The following UBAC2 variants were observed in gnomAD, a reference collection of about 807,000 sequenced individuals.
The protein encoded by UBAC2 is UBA domain containing 2.
Under a neutral mutation model 44.0 loss-of-function variants are expected in UBAC2, and 26 were observed. The observed-to-expected ratio is 0.59, with a 90% CI of 0.43 to 0.82. The LOEUF (loss-of-function observed/expected upper bound fraction) is 0.82, where lower values mean the gene tolerates loss of function less well. Among genes scored for constraint, UBAC2 ranks in the 40% least tolerant of loss-of-function variants. The pLI is 0.00. For synonymous variants in UBAC2, 155 were observed against 154.3 expected (o/e 1.00, Z -0.04); for missense variants, 329 against 419.4 (o/e 0.78, Z 1.88).
intron 2 of UBAC2, among the ~76,000 whole-genome samples, chr13:99,242,482 C>T (rs1292547847): frequency 5.6e-5 from 8 of 142,764 alleles, no homozygotes; most frequent in African/African-American, 1.0e-4. Flanking sequence ...CCCTCCCCGA[C>T]GGGGCGGCTG....
At position 99,207,904 on chromosome 13, in the gene UBAC2, C is replaced by T. The variant is rs555827928; in HGVS notation, c.31+6965C>T. On this transcript the variant is annotated intron_variant, in intron 1 of 8. Coordinates refer to ENST00000403766, the MANE Select transcript of UBAC2 (RefSeq NM_001144072.2). Reference sequence around the variant, plus strand: ...TTTTGTGTTCTCATGAAGGAGCAAACCGTGTTCCTACTGACATTCTTTCTT... The same window carrying T: ...TTTTGTGTTCTCATGAAGGAGCAAATCGTGTTCCTACTGACATTCTTTCTT... 5.9e-5 allele frequency among the ~76,000 whole-genome samples: 9 copies of T among 151,998 alleles called. No individual in the cohort carries two copies. In the South Asian group the frequency reaches 1.7e-3, roughly 28 times the overall value.
At chr13:99,351,044 G>A (rs1186813814) in intron 7 of UBAC2, among the ~76,000 whole-genome samples, 1 of 152,206 alleles carries the variant, frequency 6.6e-6, no homozygotes, top group Non-Finnish European at 1.5e-5. Context: ...ATAGAAAGCA[G>A]CGTAATATAA....
chr13:99,268,901 G>A (rs1216435870), intron 4 of UBAC2, among the ~76,000 whole-genome samples: 1 of 152,166 alleles, frequency 6.6e-6, no homozygotes, highest in African/African-American at 2.4e-5. Context: ...AACAGGCATT[G>A]CTTACCCCAG....
chr13:99,335,139 A>G (rs1594138627), intron 6 of UBAC2, among the ~76,000 whole-genome samples: 1 of 152,244 alleles, frequency 6.6e-6, no homozygotes, highest in East Asian at 1.9e-4. Flanking sequence ...AATGGGAGCA[A>G]TGAACAAATC....
intron 2 of UBAC2, among the ~76,000 whole-genome samples, chr13:99,241,019 G>T (rs2043292754): frequency 6.6e-6 from 1 of 152,052 alleles, no homozygotes; most frequent in Non-Finnish European, 1.5e-5. Context: ...CAGCACCTTG[G>T]GAGGCCAACG....
intron 1 of UBAC2, chr13:99,201,423 C>A (rs371621046): frequency 2.5e-6 from 4 of 1,612,760 alleles, no homozygotes; most frequent in Non-Finnish European, 3.4e-6. Flanking sequence ...TGTGTTTCTT[C>A]TTCAGTCTCC....
intron 1 of UBAC2, among the ~76,000 whole-genome samples, chr13:99,217,589 G>A (rs2043011552): frequency 6.6e-6 from 1 of 152,128 alleles, no homozygotes; most frequent in Non-Finnish European, 1.5e-5. Context: ...CCCGGCTTGG[G>A]GCCAGCTGTT....
At chr13:99,384,627 C>T (rs928038392) in intron 8 of UBAC2, among the ~76,000 whole-genome samples, 1 of 152,258 alleles carries the variant, frequency 6.6e-6, no homozygotes, top group Admixed American at 6.5e-5. Flanking sequence ...GCAAGTGGCA[C>T]AGCTGTCAAA....
chr13:99,299,809 C>T (rs1006397811), intron 4 of UBAC2, among the ~76,000 whole-genome samples: 2 of 152,118 alleles, frequency 1.3e-5, no homozygotes, highest in Non-Finnish European at 2.9e-5. Context: ...ATTGCTACCC[C>T]TTATCTACTT....
chr13:99,258,574 A>C (rs2043608786), intron 4 of UBAC2: 1 of 150,874 alleles, frequency 6.6e-6, no homozygotes, highest in African/African-American at 2.4e-5. Context: ...TTGATGCTTG[A>C]AGTCTGCATC....
chr13:99,318,821 CAAAA>C (rs397851352), intron 6 of UBAC2, among the ~76,000 whole-genome samples: 2 of 69,894 alleles, frequency 2.9e-5, no homozygotes, highest in Non-Finnish European at 2.7e-5. Flanking sequence ...GACTCCATCT[CAAAA>C]AAAAAAAAAA....
chr13:99,308,536 T>C (rs949087712), intron 4 of UBAC2: 2 of 152,222 alleles, frequency 1.3e-5, no homozygotes, highest in Admixed American at 1.3e-4. Context: ...CTGTTTCTTA[T>C]TTAGATGCTT....
At chr13:99,354,792 G>A (rs993188802) in intron 7 of UBAC2, among the ~76,000 whole-genome samples, 4 of 152,188 alleles carry the variant, frequency 2.6e-5, no homozygotes, top group African/African-American at 4.8e-5. Flanking sequence ...CTCACTGACC[G>A]TGGCATGCAG....
intron 6 of UBAC2, among the ~76,000 whole-genome samples, chr13:99,326,242 G>A (rs1233249524): frequency 5.9e-5 from 9 of 152,186 alleles, no homozygotes; most frequent in Non-Finnish European, 8.8e-5. Flanking sequence ...CCCAGCAGGT[G>A]TGAGGTGATA....
At chr13:99,353,957 G>A (rs901265441) in intron 7 of UBAC2, among the ~76,000 whole-genome samples, 3 of 152,212 alleles carry the variant, frequency 2.0e-5, no homozygotes, top group Non-Finnish European at 2.9e-5. Flanking sequence ...CGTGAGTCAC[G>A]ATCTCCCACC....
At chr13:99,261,957 T>C (rs1392398478) in intron 4 of UBAC2, among the ~76,000 whole-genome samples, 1 of 152,234 alleles carries the variant, frequency 6.6e-6, no homozygotes, top group Non-Finnish European at 1.5e-5. Context: ...TCTGAAAATA[T>C]TAAATGGAAA....
At chr13:99,225,938 T>G (rs1296624786) in intron 1 of UBAC2, among the ~76,000 whole-genome samples, 2 of 152,222 alleles carry the variant, frequency 1.3e-5, no homozygotes, top group Non-Finnish European at 2.9e-5. Context: ...AATCATAGAG[T>G]TGATGGATCA....
intron 1 of UBAC2, among the ~76,000 whole-genome samples, chr13:99,224,098 A>T (rs2043084038): frequency 6.6e-6 from 1 of 152,218 alleles, no homozygotes; most frequent in African/African-American, 2.4e-5. Context: ...GGCTTAAGGA[A>T]CAGAAATTAA....
Position 99,338,039 on chromosome 13 carries a change from C to CTTTTTTCTTTTTTTTTTTTTTTTTTTTT in UBAC2, c.562-2275_562-2274insCTTTTTTTTTTTTTTTTTTTTTTTTTTT, listed in dbSNP as rs1566509471. On this transcript the variant is annotated intron_variant, in intron 6 of 8. Transcript: ENST00000403766. The stretch of plus-strand genomic sequence containing the variant: ...GCAAAAAAATCTCCTAACTTTTTTT[C>CTTTTTTCTTTTTTTTTTTTTTTTTTTTT]TTTTTTTCTTTTTTTTTTTTTTTTT... 1.0e-3 allele frequency among the ~76,000 whole-genome samples: 95 copies of CTTTTTTCTTTTTTTTTTTTTTTTTTTTT among 91,540 alleles called. 3 individuals carry two copies. Among genetic ancestry groups the CTTTTTTCTTTTTTTTTTTTTTTTTTTTT allele is most frequent in the Non-Finnish European group, 1.5e-3 (77 of 51,820 alleles). 60.1% of individuals were successfully genotyped at this position (91,540 alleles called of 152,430 possible). A position where few individuals can be genotyped will look rare whatever the true frequency, so the allele number is the denominator to read the frequency against.
Sources: gnomAD v4.1 joint callset for allele counts (sites outside exome capture counted in the v4.1 genomes callset) on GRCh38, gnomAD v4.1.1 for gene constraint, MANE v1.5 for transcripts, NCBI Gene and HGNC (gene_info 2026-07-23, HGNC 2026-07-21) for gene names.